Variants in GTPBP10 observed in about 807,000 individuals in gnomAD.
GTPBP10 encodes the protein GTP binding protein 10, also known as GTP-binding protein 10.
GTPBP10 carries 38 observed loss-of-function variants against 44.8 expected under a neutral mutation model. The ratio of observed to expected loss-of-function variants is 0.85; its 90% CI spans 0.65 to 1.11. The LOEUF (loss-of-function observed/expected upper bound fraction) is 1.11, where lower values mean the gene tolerates loss of function less well. Ranked by LOEUF, GTPBP10 falls within the 50% of genes most tolerant of loss-of-function variation. GTPBP10 has a pLI of 0.00. For synonymous variants in GTPBP10, 152 were observed against 150.6 expected (o/e 1.01, Z -0.07); for missense variants, 462 against 453.7 (o/e 1.02, Z -0.17).
At chr7:90,368,741 C>T in intron 4 of GTPBP10, among the ~76,000 whole-genome samples, 1 of 152,202 alleles carries the variant, frequency 6.6e-6, no homozygotes, top group Non-Finnish European at 1.5e-5. Flanking sequence ...TTAGAACATT[C>T]TCCTTAGCTC....
Position 90,385,347 on chromosome 7 carries a change from T to C in GTPBP10, c.*193T>C. The stretch of plus-strand genomic sequence containing the variant: ...GAATAGAATGGTGGTTATCAAGGGC[T>C]GGTGGGGCAGTGGAGGATTGAGGAG... On this transcript the variant is annotated 3_prime_UTR_variant, in exon 10 of 10. Transcript: ENST00000222511. 1 of 460,050 alleles carries C rather than the reference T, an allele frequency of 2.2e-6. No homozygotes were observed. The highest frequency in any genetic ancestry group is 3.8e-6 in the Non-Finnish European group (1 of 265,180). The allele number at this position is 460,050 out of a possible 1,614,324, so 28.5% of individuals were successfully genotyped here. A position where few individuals can be genotyped will look rare whatever the true frequency, so the allele number is the denominator to read the frequency against.
intron 4 of GTPBP10, among the ~76,000 whole-genome samples, chr7:90,357,299 A>G (rs1266372726): frequency 1.3e-5 from 2 of 152,166 alleles, no homozygotes; most frequent in Non-Finnish European, 1.5e-5. Flanking sequence ...CTCAATCATT[A>G]TGAAAATATG....
chr7:90,378,072 A>G, intron 7 of GTPBP10, 62 bp from the exon 8 acceptor site: 1 of 1,518,366 alleles, frequency 6.6e-7, no homozygotes, highest in Non-Finnish European at 9.0e-7. Flanking sequence ...ATTTTAAAAC[A>G]TAGAAATGTA....
chr7:90,347,121 C>T (rs1795692604), intron 1 of GTPBP10, among the ~76,000 whole-genome samples: 1 of 151,800 alleles, frequency 6.6e-6, no homozygotes, highest in Non-Finnish European at 1.5e-5. Context: ...TATATTTCTC[C>T]TTGAGTGCGC....
Position 90,377,522 on chromosome 7 carries a change from C to A in GTPBP10, c.607C>A (p.Leu203Ile), listed in dbSNP as rs771437014. 1.5e-4 allele frequency: 233 copies of A among 1,606,330 alleles called. No homozygotes were observed. The highest frequency in any genetic ancestry group is 1.9e-4 in the Non-Finnish European group (224 of 1,176,326). The change falls in exon 7 of 10, where the codon CTT becomes ATT. Residue 203 changes from leucine to isoleucine, a missense_variant. Leu to Ile is a conservative substitution (Grantham distance 5). Coordinates refer to ENST00000222511, the MANE Select transcript of GTPBP10 (RefSeq NM_033107.4). ...TTTGTATTAGATATCAGTAGCTGAT[C>A]TTCCGGGTTTAATAGAAGGAGCACA... ...SDFKQISVAD[L>I]PGLIEGAHMN...
intron 8 of GTPBP10, among the ~76,000 whole-genome samples, chr7:90,382,208 G>A (rs2115772882): frequency 6.6e-6 from 1 of 152,198 alleles, no homozygotes; most frequent in Admixed American, 6.5e-5. Context: ...ACTCTCAATA[G>A]CAAGAAAACA....
intron 4 of GTPBP10, among the ~76,000 whole-genome samples, chr7:90,357,713 G>A (rs1295353028): frequency 3.9e-5 from 6 of 152,110 alleles, no homozygotes; most frequent in Admixed American, 3.9e-4. Flanking sequence ...ATAAATATTT[G>A]TTGGATAAAT....
At position 90,347,501 on chromosome 7, in the gene GTPBP10, G is replaced by GA. The variant is rs969290647; in HGVS notation, c.33+736dup. Reference sequence around the variant, plus strand: ...GAATGGTCAATATTTCAACTTTCTTGAAAAAAAAATCCCATTTGTTTTTTA... The same window carrying GA: ...GAATGGTCAATATTTCAACTTTCTTGAAAAAAAAAATCCCATTTGTTTTTTA... On this transcript the variant is annotated intron_variant, in intron 1 of 9. Transcript: ENST00000222511. The GA allele has an allele frequency of 1.2e-3, 573 of 458,620 alleles. 1 individual carries two copies. Among genetic ancestry groups the GA allele is most frequent in the Middle Eastern group, 2.2e-3 (2 of 896 alleles). The allele number at this position is 458,620 out of a possible 1,614,324, so 28.4% of individuals were successfully genotyped here.
chr7:90,382,296 T>C (rs1206258251), intron 8 of GTPBP10, among the ~76,000 whole-genome samples: 1 of 152,198 alleles, frequency 6.6e-6, no homozygotes, highest in Non-Finnish European at 1.5e-5. Flanking sequence ...ACTAAAATTT[T>C]GTATAGAGAT....
chr7:90,373,126 T>G (rs1347168003), intron 5 of GTPBP10, among the ~76,000 whole-genome samples: 2 of 152,122 alleles, frequency 1.3e-5, no homozygotes, highest in Non-Finnish European at 2.9e-5. Flanking sequence ...GGGAGTAGAT[T>G]TGTGTGTCTA....
chr7:90,359,199 G>C (rs1350655007), intron 4 of GTPBP10, among the ~76,000 whole-genome samples: 2 of 151,630 alleles, frequency 1.3e-5, no homozygotes, highest in African/African-American at 4.9e-5. Flanking sequence ...ACAACATGCA[G>C]CTTTCTTACA....
intron 6 of GTPBP10, among the ~76,000 whole-genome samples, 180 bp downstream of exon 6, chr7:90,374,534 A>G: frequency 6.6e-6 from 1 of 152,126 alleles, no homozygotes. Flanking sequence ...AATATATTTA[A>G]TTTCTTCTTC....
At chr7:90,364,614 A>T (rs1796094911) in intron 4 of GTPBP10, among the ~76,000 whole-genome samples, 1 of 152,202 alleles carries the variant, frequency 6.6e-6, no homozygotes, top group Admixed American at 6.5e-5. Flanking sequence ...GTCCGTTCTC[A>T]GTTCTCAAAC....
Position 90,386,379 on chromosome 7 carries a change from G to A in GTPBP10, c.*1225G>A, listed in dbSNP as rs1342760411. ...ATAGCTGTTTATGATTTGAGCTTTT[G>A]GAAAATTTTCGTTTCTTGAATGTAA... is the stretch of plus-strand genomic sequence containing the variant. On this transcript the variant is annotated 3_prime_UTR_variant, in exon 10 of 10. Coordinates refer to ENST00000222511, the MANE Select transcript of GTPBP10 (RefSeq NM_033107.4). 2 of 152,080 alleles carry A rather than the reference G, an allele frequency of 1.3e-5. No individual in the cohort carries two copies. The highest frequency in any genetic ancestry group is 2.9e-5 in the Non-Finnish European group (2 of 68,010). The allele number at this position is 152,080 out of a possible 1,614,324, so 9.4% of individuals were successfully genotyped here. A position where few individuals can be genotyped will look rare whatever the true frequency, so the allele number is the denominator to read the frequency against.
At chr7:90,359,348 G>C (rs924953872) in intron 4 of GTPBP10, among the ~76,000 whole-genome samples, 4 of 151,652 alleles carry the variant, frequency 2.6e-5, no homozygotes, top group Admixed American at 2.6e-4. Flanking sequence ...ATGTGTCCAT[G>C]TGTTCCTTGT....
Position 90,386,292 on chromosome 7 carries a change from C to A in GTPBP10, c.*1138C>A, listed in dbSNP as rs193130709. On this transcript the variant is annotated 3_prime_UTR_variant, in exon 10 of 10. Coordinates refer to ENST00000222511, the MANE Select transcript of GTPBP10 (RefSeq NM_033107.4). ...ATATAATAGTTATCTTTTGTGGAGA[C>A]CTTAAAACCCTAAATTTGAATACAT... The A allele has an allele frequency of 6.6e-5, 10 of 152,090 alleles. No homozygotes were observed. The highest frequency in any genetic ancestry group is 3.4e-3 in the Middle Eastern group (1 of 294). The allele number at this position is 152,090 out of a possible 1,614,324, so 9.4% of individuals were successfully genotyped here. A position where few individuals can be genotyped will look rare whatever the true frequency, so the allele number is the denominator to read the frequency against.
intron 8 of GTPBP10, among the ~76,000 whole-genome samples, chr7:90,379,843 C>T (rs578173549): frequency 1.4e-4 from 21 of 152,124 alleles, no homozygotes; most frequent in Non-Finnish European, 2.6e-4. Context: ...TATTGTCTGT[C>T]GTTTTTACTT....
rs763156244 is a variant in GTPBP10, at chr7:90,354,491, CTG to C, written c.264_265del (p.Cys88Ter). 5 of 1,590,264 alleles carry C rather than the reference CTG, an allele frequency of 3.1e-6. No homozygotes were observed. The highest frequency in any genetic ancestry group is 1.8e-5 in the Admixed American group (1 of 55,868). On this transcript the variant is annotated frameshift_variant, in exon 3 of 10. Transcript: ENST00000222511. LOFTEE classifies it high-confidence loss of function. ...SALKGSKGKDCEIPVPVGISV... is the reference protein window; with the variant it reads ...SALKGSKGKDXEIPVPVGISV... ...CACTGAAAGGCTCCAAAGGAAAAGA[CTG>C]TGAAATCCCTGTGCCTGTGGGTATT... is the stretch of plus-strand genomic sequence containing the variant.
rs1167170597 is a variant in GTPBP10, at chr7:90,391,065, T to A, written c.*5911T>A. 6.6e-6 allele frequency: 1 copy of A among 152,156 alleles called. No individual in the cohort carries two copies. Among genetic ancestry groups the A allele is most frequent in the African/African-American group, 2.4e-5 (1 of 41,446 alleles). The allele number at this position is 152,156 out of a possible 1,614,324, so 9.4% of individuals were successfully genotyped here. A position where few individuals can be genotyped will look rare whatever the true frequency, so the allele number is the denominator to read the frequency against. ...GGGAAATAAGAGGACTATATAAAAA[T>A]TGAACCTCTGTTTTGAAAACAAATC... is the stretch of plus-strand genomic sequence containing the variant. On this transcript the variant is annotated 3_prime_UTR_variant, in exon 10 of 10. Transcript: ENST00000222511.
Sources: allele counts gnomAD v4.1 joint callset (sites outside exome capture counted in the v4.1 genomes callset), GRCh38; gene constraint gnomAD v4.1.1; transcripts MANE v1.5; gene names NCBI Gene and HGNC (gene_info 2026-07-23, HGNC 2026-07-21).